Variants in CNTN5 observed in about 807,000 individuals in gnomAD.
CNTN5 encodes contactin 5, also known as contactin-5.
In CNTN5, 77 loss-of-function variants were observed where a neutral mutation model predicts 129.1. The ratio of observed to expected loss-of-function variants is 0.60; its 90% CI spans 0.50 to 0.72. CNTN5 has a LOEUF of 0.72. Ranked by LOEUF, CNTN5 falls within the 30% of genes least tolerant of loss-of-function variation. The pLI, the probability that CNTN5 is intolerant of heterozygous loss-of-function variation, is 0.00. For missense variants in CNTN5, 1,478 were observed against 1,328.8 expected, an observed-to-expected ratio of 1.11 and a Z score of -1.75; for synonymous variants, 509 against 465.6, an observed-to-expected ratio of 1.09 and a Z score of -1.20.
At chr11:99,253,446 T>G (rs1862216069) in intron 1 of CNTN5, among the ~76,000 whole-genome samples, 1 of 152,148 alleles carries the variant, frequency 6.6e-6, no homozygotes, top group South Asian at 2.1e-4. Flanking sequence ...TCCATATTTT[T>G]GTAATAAATT....
chr11:99,848,364 T>A (rs1459031533), intron 6 of CNTN5, among the ~76,000 whole-genome samples: 1 of 152,182 alleles, frequency 6.6e-6, no homozygotes, highest in South Asian at 2.1e-4. Flanking sequence ...GAGGAATGCT[T>A]ATTACTTTTG....
At chr11:99,445,574 A>T (rs1944028963) in intron 2 of CNTN5, among the ~76,000 whole-genome samples, 1 of 152,156 alleles carries the variant, frequency 6.6e-6, no homozygotes, top group African/African-American at 2.4e-5. Context: ...CATATGTAAA[A>T]GACAATTTTT....
At chr11:99,499,807 TTG>T (rs1426227777) in intron 2 of CNTN5, among the ~76,000 whole-genome samples, 1 of 152,218 alleles carries the variant, frequency 6.6e-6, no homozygotes, top group Admixed American at 6.5e-5. Flanking sequence ...TCAGGCCATA[TTG>T]TTTTCTGTTT....
intron 13 of CNTN5, among the ~76,000 whole-genome samples, chr11:100,120,530 G>C (rs192952874): frequency 6.6e-6 from 1 of 151,736 alleles, no homozygotes; most frequent in Non-Finnish European, 1.5e-5. Flanking sequence ...TTTAATCCAC[G>C]TTTAATCCAT....
rs188142428 is a variant in CNTN5 at position 99,946,975 on chromosome 11, C to T, written c.674-9831C>T. Among the ~76,000 whole-genome samples, 516 of 150,964 alleles carry T rather than the reference C, an allele frequency of 3.4e-3. 5 individuals carry two copies. Among genetic ancestry groups the T allele is most frequent in the African/African-American group, 0.012 (475 of 41,164 alleles). ...ATTATGAAATTAATGTAGATATAAA[C>T]GTAATTATAAAAATTAATATATAAG... On this transcript the variant is annotated intron_variant, in intron 7 of 24. Transcript: ENST00000524871.
At chr11:99,790,610 G>T (rs1350328934) in intron 3 of CNTN5, among the ~76,000 whole-genome samples, 6 of 151,986 alleles carry the variant, frequency 3.9e-5, no homozygotes, top group Non-Finnish European at 5.9e-5. Flanking sequence ...CTTTAATATT[G>T]TGAATATTGC....
intron 9 of CNTN5, among the ~76,000 whole-genome samples, chr11:100,005,160 G>A (rs1940115480): frequency 6.6e-6 from 1 of 152,062 alleles, no homozygotes; most frequent in Admixed American, 6.6e-5. Context: ...TAGCATTCAG[G>A]AAATAGGAAT....
intron 6 of CNTN5, among the ~76,000 whole-genome samples, chr11:99,885,742 T>G (rs1260334545): frequency 6.6e-6 from 1 of 152,036 alleles, no homozygotes; most frequent in Non-Finnish European, 1.5e-5. Context: ...AATAAAGAGA[T>G]AAGACAAAAA....
chr11:99,893,351 A>G (rs1949115105), intron 6 of CNTN5, among the ~76,000 whole-genome samples: 1 of 152,234 alleles, frequency 6.6e-6, no homozygotes, highest in African/African-American at 2.4e-5. Context: ...AGCAAATAAT[A>G]GGTGGACAAC....
At chr11:99,197,435 G>C (rs1292729067) in intron 1 of CNTN5, among the ~76,000 whole-genome samples, 1 of 151,952 alleles carries the variant, frequency 6.6e-6, no homozygotes, top group Non-Finnish European at 1.5e-5. Context: ...TCCAAAGTAA[G>C]TTAACTGAGA....
intron 6 of CNTN5, among the ~76,000 whole-genome samples, chr11:99,910,083 A>G (rs1949618782): frequency 6.6e-6 from 1 of 152,074 alleles, no homozygotes; most frequent in African/African-American, 2.4e-5. Context: ...TAGATTTTTA[A>G]ATGCTAATTT....
In CNTN5 at chr11:99,033,086, G is replaced by A. The variant is rs1216889406; in HGVS notation, c.-210+11816G>A. On this transcript the variant is annotated intron_variant, in intron 1 of 24. Coordinates refer to ENST00000524871, the MANE Select transcript of CNTN5 (RefSeq NM_014361.4). ...AAAGATCAGATAGTTGTAGATATGC[G>A]GCGTTATTTCTGAGGGCTCTGTTCT... 5.4e-5 allele frequency among the ~76,000 whole-genome samples: 8 copies of A among 148,536 alleles called. No homozygotes were observed. The South Asian group carries it at 6.4e-4, about 12-fold the overall frequency.
intron 3 of CNTN5, among the ~76,000 whole-genome samples, chr11:99,662,741 A>G (rs1244229360): frequency 1.3e-5 from 2 of 152,204 alleles, no homozygotes; most frequent in African/African-American, 4.8e-5. Flanking sequence ...ACAACTTGCA[A>G]TGTAGTCCCA....
intron 1 of CNTN5, among the ~76,000 whole-genome samples, chr11:99,124,385 C>G (rs1034158479): frequency 1.3e-5 from 2 of 151,900 alleles, no homozygotes; most frequent in Non-Finnish European, 2.9e-5. Flanking sequence ...TTTTGTATCC[C>G]AAAACTTTGC....
intron 2 of CNTN5, among the ~76,000 whole-genome samples, chr11:99,390,416 A>C (rs2136186353): frequency 6.6e-6 from 1 of 152,332 alleles, no homozygotes. Context: ...AAAGAAAGAC[A>C]TACTTGTTAT....
At chr11:100,316,013 T>C (rs1487193529) in intron 21 of CNTN5, among the ~76,000 whole-genome samples, 1 of 152,178 alleles carries the variant, frequency 6.6e-6, no homozygotes, top group Non-Finnish European at 1.5e-5. Context: ...TACAAGTAAA[T>C]TATTAGGTTC....
chr11:99,714,845 C>G lies in CNTN5; in HGVS notation c.56-104699C>G, dbSNP rs1002726923. ...ACCACTTAGCCTGTTTGAACTTCAG[C>G]TCATGTGGAAAAAAAAAAAACCTTG... On this transcript the variant is annotated intron_variant, in intron 3 of 24. Transcript: ENST00000524871. Among the ~76,000 whole-genome samples the G allele has an allele frequency of 8.1e-5, 3 of 37,244 alleles. No homozygotes were observed. In the East Asian group the frequency reaches 2.8e-3, roughly 34 times the overall value. 24.4% of individuals were successfully genotyped at this position (37,244 alleles called of 152,430 possible).
At chr11:100,069,831 G>A (rs1481937868) in intron 10 of CNTN5, among the ~76,000 whole-genome samples, 3 of 151,912 alleles carry the variant, frequency 2.0e-5, no homozygotes, top group Non-Finnish European at 4.4e-5. Flanking sequence ...ACTTTAACTT[G>A]TATCTTAAGA....
intron 1 of CNTN5, among the ~76,000 whole-genome samples, chr11:99,200,725 T>G (rs1481843115): frequency 6.6e-6 from 1 of 152,200 alleles, no homozygotes; most frequent in South Asian, 2.1e-4. Context: ...GCATAAGGAC[T>G]GCACTGTTTC....
Sources: allele counts gnomAD v4.1 joint callset (sites outside exome capture counted in the v4.1 genomes callset), GRCh38; gene constraint gnomAD v4.1.1; transcripts MANE v1.5; gene names NCBI Gene and HGNC (gene_info 2026-07-23, HGNC 2026-07-21).